CLASP1: variants seen among roughly 807,000 people sequenced by gnomAD.
The protein encoded by CLASP1 is CLIP-associating protein 1.
In CLASP1, 38 loss-of-function variants were observed where a neutral mutation model predicts 192.3. The ratio of observed to expected loss-of-function variants is 0.20; its 90% CI spans 0.15 to 0.26. The LOEUF (loss-of-function observed/expected upper bound fraction) is 0.26. Ranked by LOEUF, CLASP1 falls within the 10% of genes least tolerant of loss-of-function variation. The pLI, the probability that CLASP1 is intolerant of heterozygous loss-of-function variation, is 1.00. For missense variants in CLASP1, 1,433 were observed against 1,932.5 expected, an observed-to-expected ratio of 0.74 and a Z score of 4.85; for synonymous variants, 691 against 712.8, an observed-to-expected ratio of 0.97 and a Z score of 0.49.
At chr2:121,593,280 A>C (rs1441406854) in intron 2 of CLASP1, among the ~76,000 whole-genome samples, 2 of 152,168 alleles carry the variant, frequency 1.3e-5, no homozygotes, top group Non-Finnish European at 2.9e-5. Context: ...CAAAATTATT[A>C]AGCCAAGAAA....
intron 1 of CLASP1, among the ~76,000 whole-genome samples, chr2:121,610,895 A>G (rs1265873179): frequency 6.8e-6 from 1 of 146,734 alleles, no homozygotes; most frequent in Admixed American, 6.8e-5. Context: ...GAGGAAGAGG[A>G]GTTACAGGAG....
chr2:121,422,500 G>A (rs965401573), intron 22 of CLASP1, among the ~76,000 whole-genome samples: 1 of 152,100 alleles, frequency 6.6e-6, no homozygotes, highest in Non-Finnish European at 1.5e-5. Context: ...AATCACTATA[G>A]ATACTAGTGA....
intron 2 of CLASP1, among the ~76,000 whole-genome samples, chr2:121,543,490 TC>T (rs755145078): frequency 9.2e-5 from 14 of 152,076 alleles, no homozygotes; most frequent in Non-Finnish European, 1.6e-4. Context: ...GATCTAAGTT[TC>T]CCATATGGAC....
At chr2:121,359,422 T>C (rs2065949418) in intron 37 of CLASP1, among the ~76,000 whole-genome samples, 1 of 152,234 alleles carries the variant, frequency 6.6e-6, no homozygotes, top group Admixed American at 6.5e-5. Flanking sequence ...CAGAATCTCT[T>C]TGTAGTATCA....
At chr2:121,536,296 G>A (rs1037780982) in intron 2 of CLASP1, among the ~76,000 whole-genome samples, 1 of 142,764 alleles carries the variant, frequency 7.0e-6, no homozygotes, top group Admixed American at 7.3e-5. Flanking sequence ...CAGGAGAATC[G>A]CATGAACCTG....
rs546800785 is a variant in CLASP1 at position 121,594,157 on chromosome 2, G to A, written c.195+11544C>T. Among the ~76,000 whole-genome samples, 661 of 149,354 alleles carry A rather than the reference G, an allele frequency of 4.4e-3. 1 individual carries two copies. Among genetic ancestry groups the A allele is most frequent in the Non-Finnish European group, 7.0e-3 (474 of 67,484 alleles). On this transcript the variant is annotated intron_variant, in intron 2 of 39. Coordinates refer to ENST00000263710, the Ensembl canonical transcript of CLASP1. ...CTACTAAAAATACAAAAAATTAGCC[G>A]GGCGTGGTGGCGGGCGCCTGTAGTC...
intron 7 of CLASP1, among the ~76,000 whole-genome samples, chr2:121,509,325 G>A (rs1261827268): frequency 3.3e-5 from 5 of 152,192 alleles, no homozygotes; most frequent in African/African-American, 7.2e-5. Flanking sequence ...ACAGGCACAC[G>A]CTACCACACC....
At chr2:121,486,195 G>T (rs929652381) in intron 8 of CLASP1, among the ~76,000 whole-genome samples, 3 of 152,194 alleles carry the variant, frequency 2.0e-5, no homozygotes, top group Non-Finnish European at 4.4e-5. Context: ...TTAGAGAATA[G>T]TAGGACATTG....
chr2:121,529,936 T>C (rs554214364), intron 3 of CLASP1, among the ~76,000 whole-genome samples: 1 of 152,298 alleles, frequency 6.6e-6, no homozygotes, highest in South Asian at 2.1e-4. Context: ...AGAACACGTA[T>C]TACTAAGTTC....
At chr2:121,536,377 T>TAA (rs1559552495) in intron 2 of CLASP1, among the ~76,000 whole-genome samples, 17 of 62,074 alleles carry the variant, frequency 2.7e-4, no homozygotes, top group African/African-American at 2.7e-3. Flanking sequence ...CAAGACTGTC[T>TAA]GAAAAAAAAA....
exon 33 of CLASP1, chr2:121,382,266 G>C: frequency 6.2e-7 from 1 of 1,606,780 alleles, no homozygotes; most frequent in Non-Finnish European, 8.5e-7. Context: ...ATGGAGTTAG[G>C]CTGAGAAAAG....
In CLASP1 at chr2:121,632,766, C is replaced by G. The variant is rs1457949320; in HGVS notation, c.-286+16606G>C. Among the ~76,000 whole-genome samples, 3 of 151,776 alleles carry G rather than the reference C, an allele frequency of 2.0e-5. No homozygotes were observed. The East Asian group carries it at 5.8e-4, about 29-fold the overall frequency. On this transcript the variant is annotated intron_variant, in intron 1 of 39. Coordinates refer to ENST00000263710, the Ensembl canonical transcript of CLASP1. The stretch of plus-strand genomic sequence containing the variant: ...ACAAAATTAGCCAGGCATGGTGGCA[C>G]ATGCCTGTAATCCTAGCTACTAGGG...
intron 1 of CLASP1, among the ~76,000 whole-genome samples, chr2:121,616,117 A>C (rs1169470088): frequency 6.6e-6 from 1 of 152,196 alleles, no homozygotes; most frequent in Non-Finnish European, 1.5e-5. Flanking sequence ...GAAGGAATTA[A>C]ATTACCAGCA....
chr2:121,647,088 C>T (rs1356396482), intron 1 of CLASP1, among the ~76,000 whole-genome samples: 2 of 151,504 alleles, frequency 1.3e-5, no homozygotes, highest in Non-Finnish European at 2.9e-5. Flanking sequence ...TAAACATGGG[C>T]CGAGCGCGAT....
intron 1 of CLASP1, among the ~76,000 whole-genome samples, chr2:121,635,028 A>G (rs1576644820): frequency 6.6e-6 from 1 of 152,130 alleles, no homozygotes; most frequent in South Asian, 2.1e-4. Context: ...AGGGAGTTTA[A>G]ACTCTTGTTA....
At chr2:121,394,541 T>C (rs1368506795) in intron 30 of CLASP1, among the ~76,000 whole-genome samples, 2 of 152,216 alleles carry the variant, frequency 1.3e-5, no homozygotes, top group Non-Finnish European at 2.9e-5. Context: ...ATTCTCTCTT[T>C]GGCTTTCAGC....
At chr2:121,355,378 C>G (rs920035684) in intron 37 of CLASP1, among the ~76,000 whole-genome samples, 1 of 152,174 alleles carries the variant, frequency 6.6e-6, no homozygotes, top group Non-Finnish European at 1.5e-5. Flanking sequence ...ATCTGCCCAC[C>G]TCGGCCTCCC....
intron 16 of CLASP1, 73 bp downstream of exon 16, chr2:121,450,840 A>C: frequency 2.7e-6 from 3 of 1,116,476 alleles, no homozygotes; most frequent in Non-Finnish European, 4.0e-6. Flanking sequence ...TAAGTTTTTA[A>C]TAAGGCAATC....
At chr2:121,582,793 T>C (rs2061346747) in intron 2 of CLASP1, among the ~76,000 whole-genome samples, 1 of 151,824 alleles carries the variant, frequency 6.6e-6, no homozygotes, top group Non-Finnish European at 1.5e-5. Context: ...TCCTTTTTTT[T>C]TTTTTAACTG....
Sources: allele counts gnomAD v4.1 joint callset (sites outside exome capture counted in the v4.1 genomes callset), GRCh38; gene constraint gnomAD v4.1.1; transcripts MANE v1.5; gene names NCBI Gene and HGNC (gene_info 2026-07-23, HGNC 2026-07-21).